BAIAP3: variants seen among roughly 807,000 people sequenced by gnomAD.
The protein encoded by BAIAP3 is BAI1-associated protein 3.
Under a neutral mutation model 149.7 loss-of-function variants are expected in BAIAP3, and 180 were observed. The observed-to-expected ratio is 1.20, with a 90% CI of 1.07 to 1.36. The LOEUF (loss-of-function observed/expected upper bound fraction) is 1.36, where lower values mean the gene tolerates loss of function less well. Among genes scored for constraint, BAIAP3 ranks in the 40% most tolerant of loss-of-function variants. BAIAP3 has a pLI of 0.00. For missense variants in BAIAP3, 1,767 were observed against 1,563.4 expected, an observed-to-expected ratio of 1.13 and a Z score of -2.20; for synonymous variants, 845 against 670.7, an observed-to-expected ratio of 1.26 and a Z score of -4.02.
chr16:1,334,415 C>T (rs1480756366), intron 1 of BAIAP3: 5 of 550,078 alleles, frequency 9.1e-6, no homozygotes, highest in Admixed American at 3.1e-5. Flanking sequence ...GGTGTGGCTC[C>T]TGCGGGCGCC....
chr16:1,342,853 G>A, intron 13 of BAIAP3, 39 bp downstream of exon 13: 1 of 1,612,306 alleles, frequency 6.2e-7, no homozygotes, highest in Middle Eastern at 1.7e-4. Context: ...CCCGGCAGGG[G>A]GCCTGAGGAG....
Position 1,346,046 on chromosome 16 carries a change from C to T in BAIAP3, c.2269C>T (p.Pro757Ser). ...GCTTCGGAAGAAGGTGGACACTCAGCCAGGGGCGGCCGGTGAAGCAGTGAG... is the reference window on the plus strand; with the variant it reads ...GCTTCGGAAGAAGGTGGACACTCAGTCAGGGGCGGCCGGTGAAGCAGTGAG... ...ELLRKKVDTQPGAAGEAVSEA... is the reference protein window; with the variant it reads ...ELLRKKVDTQSGAAGEAVSEA... Residue 757 changes from proline (P) to serine (S), a missense_variant, in exon 24 of 34, where the codon CCA becomes TCA. Coordinates refer to ENST00000426824, the MANE Select transcript of BAIAP3 (RefSeq NM_001199097.2). 1 of 1,611,528 alleles carries T rather than the reference C, an allele frequency of 6.2e-7. No individual in the cohort carries two copies. Among genetic ancestry groups the T allele is most frequent in the South Asian group, 1.1e-5 (1 of 90,818 alleles).
intron 1 of BAIAP3, chr16:1,334,483 A>C (rs2033331848): frequency 4.9e-6 from 3 of 612,278 alleles, no homozygotes; most frequent in Non-Finnish European, 8.7e-6. Flanking sequence ...CGGTGAGCAG[A>C]GGGAGGAGGG....
intron 1 of BAIAP3, among the ~76,000 whole-genome samples, chr16:1,336,917 A>G (rs1056547730): frequency 6.6e-6 from 1 of 152,196 alleles, no homozygotes; most frequent in African/African-American, 2.4e-5. Context: ...CAGCAAGGCC[A>G]GGACCCCGGG....
At position 1,349,302 on chromosome 16, in the gene BAIAP3, G is replaced by T. The variant is rs186551492; in HGVS notation, c.*820G>T. 9 of 966,310 alleles carry T rather than the reference G, an allele frequency of 9.3e-6. No individual in the cohort carries two copies. The East Asian group carries it at 2.1e-4, about 23-fold the overall frequency. 59.9% of individuals were successfully genotyped at this position (966,310 alleles called of 1,614,324 possible). A position where few individuals can be genotyped will look rare whatever the true frequency, so the allele number is the denominator to read the frequency against. On this transcript the variant is annotated 3_prime_UTR_variant, in exon 34 of 34. Coordinates refer to ENST00000426824, the MANE Select transcript of BAIAP3 (RefSeq NM_001199097.2). Reference sequence around the variant, plus strand: ...CAGGACACAGAGCACAGCTGTGCTGGAAGTGTGGGGAGAACCCGGACAGCT... The same window carrying T: ...CAGGACACAGAGCACAGCTGTGCTGTAAGTGTGGGGAGAACCCGGACAGCT...
intron 1 of BAIAP3, chr16:1,334,542 C>G (rs1406523354): frequency 4.5e-6 from 4 of 884,022 alleles, no homozygotes; most frequent in East Asian, 2.7e-5. Context: ...CCTCGGGCTC[C>G]GGTCTCCTGC....
At position 1,343,491 on chromosome 16, in the gene BAIAP3, C is replaced by G. The variant is rs1254072768; in HGVS notation, c.1364C>G (p.Ala455Gly). ...GACATGCAGGCACACTGGGAAGAGG[C>G]TCCTTCACTGCCCCAGGAGCAGGTG... ...LEDMQAHWEE[A>G]PSLPQEQEES... Residue 455 changes from alanine (A) to glycine (G), a missense_variant, in exon 15 of 34, where the codon GCT becomes GGT. Coordinates refer to ENST00000426824, the MANE Select transcript of BAIAP3 (RefSeq NM_001199097.2). 4.4e-6 allele frequency: 7 copies of G among 1,605,320 alleles called. No homozygotes were observed. The African/African-American group carries it at 8.0e-5, about 18-fold the overall frequency.
Position 1,347,834 on chromosome 16 carries a change from G to A in BAIAP3, c.3025+13G>A, listed in dbSNP as rs373049761. 85 of 1,604,090 alleles carry A rather than the reference G, an allele frequency of 5.3e-5. No homozygotes were observed. Among genetic ancestry groups the A allele is most frequent in the South Asian group, 1.3e-4 (12 of 90,768 alleles). On this transcript the variant is annotated intron_variant, in intron 31 of 33. Coordinates refer to ENST00000426824, the MANE Select transcript of BAIAP3 (RefSeq NM_001199097.2). Reference sequence around the variant, plus strand: ...CTGGACGCCAACGGTGAGTTGCAGCGGGGACGGGTCGGGTGGTGGTGGGAT... The same window carrying A: ...CTGGACGCCAACGGTGAGTTGCAGCAGGGACGGGTCGGGTGGTGGTGGGAT...
In BAIAP3 at chr16:1,349,384, T is replaced by C. The variant is rs73485682; in HGVS notation, c.*902T>C. The C allele has an allele frequency of 1.4e-3, 2,202 of 1,603,438 alleles. 26 individuals carry two copies. In the African/African-American group the frequency reaches 0.026, roughly 19 times the overall value. On this transcript the variant is annotated 3_prime_UTR_variant, in exon 34 of 34. Transcript: ENST00000426824. ...CTGCCAGGCCCATTTATGTCCCTCA[T>C]GTCTCTAGATTTTCTCGTCACCCAG...
rs777138802 is a variant in BAIAP3, at chr16:1,342,758, C to T, written c.1105C>T (p.Leu369=). Residue 369 remains leucine, a synonymous_variant, in exon 13 of 34, where the codon CTG becomes TTG. Coordinates refer to ENST00000426824, the MANE Select transcript of BAIAP3 (RefSeq NM_001199097.2). ...AMSQRGRSGF[L]SHLLLLSHLL... is the part of the protein sequence containing the mutation. The stretch of plus-strand genomic sequence containing the variant: ...GAGCCAGCGCGGGCGATCCGGCTTC[C>T]TGTCCCACCTGCTGCTGCTCAGCCA... 1.9e-6 allele frequency: 3 copies of T among 1,612,438 alleles called. No individual in the cohort carries two copies. The highest frequency in any genetic ancestry group is 4.5e-5 in the East Asian group (2 of 44,896).
At chr16:1,337,935 A>AC (rs1463395738) in intron 1 of BAIAP3, among the ~76,000 whole-genome samples, 3 of 151,766 alleles carry the variant, frequency 2.0e-5, no homozygotes, top group African/African-American at 4.8e-5. Flanking sequence ...GGGGGCATTG[A>AC]CCCCCGCTGT....
chr16:1,341,572 G>C, intron 8 of BAIAP3, 83 bp downstream of exon 8: 4 of 1,487,874 alleles, frequency 2.7e-6, no homozygotes, highest in South Asian at 2.5e-5. Flanking sequence ...GTGGTGGCTC[G>C]CAGCAGCTCC....
rs769222946 is a variant in BAIAP3 at position 1,342,931 on chromosome 16, C to G, written c.1180C>G (p.Arg394Gly). 5.0e-6 allele frequency: 8 copies of G among 1,612,220 alleles called. No homozygotes were observed. The South Asian group carries it at 8.8e-5, about 18-fold the overall frequency. The change falls in exon 14 of 34, where the codon CGA becomes GGA. Residue 394 changes from arginine (R) to glycine (G), a missense_variant. Arg to Gly is a moderately radical substitution (Grantham distance 125, BLOSUM62 -2). Transcript: ENST00000426824. Reference sequence around the variant, plus strand: ...CCCCCAGCCCAACTCCAGCAGCTGGCGAGGAGAGCTCAGCACACCAGCCGC... The same window carrying G: ...CCCCCAGCCCAACTCCAGCAGCTGGGGAGGAGAGCTCAGCACACCAGCCGC... ...SAEEPNSSSW[R>G]GELSTPAATI...
chr16:1,334,787 C>T (rs146090186), intron 1 of BAIAP3: 1 of 1,533,402 alleles, frequency 6.5e-7, no homozygotes, highest in Non-Finnish European at 8.8e-7. Context: ...CTGCGGGAAA[C>T]CCCCAGGGCC....
At position 1,345,810 on chromosome 16, in the gene BAIAP3, A is replaced by C. The variant is rs746573882; in HGVS notation, c.2128A>C (p.Ser710Arg). Residue 710 changes from serine to arginine, a missense_variant, in exon 23 of 34, where the codon AGC (serine) becomes CGC (arginine). Physicochemically the swap from Ser to Arg is moderately radical, Grantham distance 110 (BLOSUM62 -1). Transcript: ENST00000426824. ...CGCAGCCACTGCTGGTCTCTGCCTC[A>C]GCCACATCCAGGAGTTGTGGGTGCG... ...SSAATAGLCL[S>R]HIQELWVRLA... The C allele has an allele frequency of 2.5e-6, 4 of 1,579,136 alleles. No homozygotes were observed. The Admixed American group carries it at 7.2e-5, about 28-fold the overall frequency.
intron 20 of BAIAP3, 36 bp downstream of exon 20, chr16:1,344,885 C>A (rs367651530): frequency 3.2e-4 from 510 of 1,613,578 alleles, no homozygotes; most frequent in Non-Finnish European, 4.1e-4. Context: ...GCCTGCCAGG[C>A]ATGGGGAAGT....
chr16:1,339,010 G>A (rs1354434779), intron 3 of BAIAP3, 21 bp downstream of exon 3: 1 of 1,612,108 alleles, frequency 6.2e-7, no homozygotes, highest in Admixed American at 1.7e-5. Flanking sequence ...CACCCCCAGG[G>A]CCCGATACCA....
intron 32 of BAIAP3, 22 bp from the exon 33 acceptor site, chr16:1,348,074 C>CA (rs1164453759): frequency 6.8e-7 from 1 of 1,475,536 alleles, no homozygotes; most frequent in Non-Finnish European, 8.9e-7. Flanking sequence ...GAGCGAGACT[C>CA]CCGACTGGCC....
At chr16:1,346,105 C>CT (rs1309234610) in intron 24 of BAIAP3, 27 bp downstream of exon 24, 1 of 1,605,276 alleles carries the variant, frequency 6.2e-7, no homozygotes, top group Non-Finnish European at 8.5e-7. Flanking sequence ...GGAGGGGAGC[C>CT]GGCAGGAGGT....
Sources: gnomAD v4.1 joint callset for allele counts (sites outside exome capture counted in the v4.1 genomes callset) on GRCh38, gnomAD v4.1.1 for gene constraint, MANE v1.5 for transcripts, NCBI Gene and HGNC (gene_info 2026-07-23, HGNC 2026-07-21) for gene names.